The following PRKN variants were observed in gnomAD, a reference collection of about 807,000 sequenced individuals.
The protein encoded by PRKN is parkin RBR E3 ubiquitin protein ligase, also known as E3 ubiquitin-protein ligase parkin.
In PRKN, 56 loss-of-function variants were observed where a neutral mutation model predicts 59.5. That is an observed-to-expected ratio of 0.94 (90% CI 0.76 to 1.18). The LOEUF (loss-of-function observed/expected upper bound fraction) is 1.18, where lower values mean the gene tolerates loss of function less well. Among genes scored for constraint, PRKN ranks in the 50% most tolerant of loss-of-function variants. The pLI is 0.00. For synonymous variants in PRKN, 250 were observed against 222.1 expected, an observed-to-expected ratio of 1.13 and a Z score of -1.12; for missense variants, 657 against 596.4, an observed-to-expected ratio of 1.10 and a Z score of -1.06.
intron 4 of PRKN, among the ~76,000 whole-genome samples, chr6:162,184,962 A>G (rs1431130966): frequency 6.6e-6 from 1 of 152,030 alleles, no homozygotes; most frequent in Non-Finnish European, 1.5e-5. Flanking sequence ...TAATCTTAAA[A>G]TAAGGGTGGG....
chr6:162,707,433 C>T (rs1778376279), intron 1 of PRKN, among the ~76,000 whole-genome samples: 1 of 151,988 alleles, frequency 6.6e-6, no homozygotes, highest in Non-Finnish European at 1.5e-5. Context: ...TTTACCATGG[C>T]AGGAAAAAGG....
At chr6:162,061,674 C>A (rs370005870) in intron 4 of PRKN, among the ~76,000 whole-genome samples, 13 of 152,212 alleles carry the variant, frequency 8.5e-5, no homozygotes, top group East Asian at 7.7e-4. Flanking sequence ...GTTAGAGCAG[C>A]AGCATAATAA....
intron 2 of PRKN, among the ~76,000 whole-genome samples, chr6:162,312,492 G>A (rs1487668295): frequency 6.6e-6 from 1 of 152,092 alleles, no homozygotes; most frequent in Non-Finnish European, 1.5e-5. Context: ...AGTCACTGAC[G>A]AAGAGCCCTG....
At position 161,532,083 on chromosome 6, in the gene PRKN, T is replaced by C. The variant is rs1779233697; in HGVS notation, c.1083+16771A>G. Among the ~76,000 whole-genome samples the C allele has an allele frequency of 2.0e-5, 3 of 151,910 alleles. No homozygotes were observed. The South Asian group carries it at 6.2e-4, about 32-fold the overall frequency. ...AAAAACTAATTTCAATTTAAAATTTTCACTATGATTAGTTCTATTAAAAAT... is the reference window on the plus strand; with the variant it reads ...AAAAACTAATTTCAATTTAAAATTTCCACTATGATTAGTTCTATTAAAAAT... On this transcript the variant is annotated intron_variant, in intron 9 of 11. Transcript: ENST00000366898.
chr6:161,569,539 T>C (rs1392750852), intron 7 of PRKN, 123 bp from the exon 8 acceptor site: 1 of 825,174 alleles, frequency 1.2e-6, no homozygotes, highest in Admixed American at 2.0e-5. Context: ...GACGTGTACC[T>C]GAAAAACACA....
At chr6:161,902,554 T>C (rs200247400) in intron 6 of PRKN, among the ~76,000 whole-genome samples, 12,025 of 63,590 alleles carry the variant, frequency 0.19, 708 homozygotes, top group Middle Eastern at 0.38. Context: ...ATCTATTTAT[T>C]TATTTATTTA....
intron 2 of PRKN, among the ~76,000 whole-genome samples, chr6:162,343,942 T>C (rs981470351): frequency 7.2e-5 from 11 of 152,196 alleles, no homozygotes; most frequent in Non-Finnish European, 5.9e-5. Context: ...TTATTTAATA[T>C]ATTAGAAAAC....
At chr6:162,195,818 G>A (rs117321354) in intron 4 of PRKN, among the ~76,000 whole-genome samples, 3,290 of 152,272 alleles carry the variant, frequency 0.022, 58 homozygotes, top group Non-Finnish European at 0.034. Flanking sequence ...GTTACCTAGA[G>A]TTTGTCCTGG....
chr6:162,115,317 G>A (rs1780619009), intron 4 of PRKN, among the ~76,000 whole-genome samples: 1 of 150,902 alleles, frequency 6.6e-6, no homozygotes. Flanking sequence ...GACACAGGAA[G>A]GGGAACATCA....
chr6:161,530,162 G>T lies in PRKN; in HGVS notation c.1083+18692C>A, dbSNP rs1779151310. On this transcript the variant is annotated intron_variant, in intron 9 of 11. Coordinates refer to ENST00000366898, the MANE Select transcript of PRKN (RefSeq NM_004562.3). This position sits in a 1 kb window ranked among gnomAD's most constrained non-coding sequence, Gnocchi z 5.0. ...GACACTTCTCAAACTCTCCCTCACAGGTGTTCCTGGACAGCACAGGAAAGA... is the reference window on the plus strand; with the variant it reads ...GACACTTCTCAAACTCTCCCTCACATGTGTTCCTGGACAGCACAGGAAAGA... Among the ~76,000 whole-genome samples, 1 of 152,128 alleles carries T rather than the reference G, an allele frequency of 6.6e-6. No homozygotes were observed. Among genetic ancestry groups the T allele is most frequent in the Non-Finnish European group, 1.5e-5 (1 of 68,030 alleles).
rs1790091523 is a variant in PRKN, at chr6:161,459,013, C to T, written c.1084-72136G>A. Among the ~76,000 whole-genome samples, 1 of 152,004 alleles carries T rather than the reference C, an allele frequency of 6.6e-6. No individual in the cohort carries two copies. Among genetic ancestry groups the T allele is most frequent in the Non-Finnish European group, 1.5e-5 (1 of 68,006 alleles). ...ACAGGAATGAAAACCATGATAGTAT[C>T]CAGGAGGGATTTTAAGGCAAGGCTG... On this transcript the variant is annotated intron_variant, in intron 9 of 11. Coordinates refer to ENST00000366898, the MANE Select transcript of PRKN (RefSeq NM_004562.3). The surrounding 1 kb of genome is among the most constrained non-coding windows in gnomAD (Gnocchi z 4.8).
At chr6:161,482,136 A>G (rs538369270) in intron 9 of PRKN, among the ~76,000 whole-genome samples, 4 of 152,358 alleles carry the variant, frequency 2.6e-5, no homozygotes, top group South Asian at 4.1e-4. Flanking sequence ...AAATTTATCA[A>G]TTTTTGAAAA....
At chr6:162,700,118 A>G (rs1439457904) in intron 1 of PRKN, among the ~76,000 whole-genome samples, 1 of 152,128 alleles carries the variant, frequency 6.6e-6, no homozygotes, top group Admixed American at 6.6e-5. Flanking sequence ...TCCTTTCCCT[A>G]TGAAGAAGGG....
intron 7 of PRKN, among the ~76,000 whole-genome samples, chr6:161,752,360 C>G (rs558362517): frequency 3.9e-4 from 57 of 146,520 alleles, no homozygotes; most frequent in Non-Finnish European, 7.6e-4. Flanking sequence ...GAGCGAGACT[C>G]TGTCTCAAAC....
chr6:161,493,356 A>G (rs1459320828), intron 9 of PRKN, among the ~76,000 whole-genome samples: 1 of 152,246 alleles, frequency 6.6e-6, no homozygotes, highest in Non-Finnish European at 1.5e-5. Context: ...TTGACCCATG[A>G]GGACACTGGC....
Position 161,579,610 on chromosome 6 carries a change from T to A in PRKN, c.872-10194A>T, listed in dbSNP as rs183235063. Among the ~76,000 whole-genome samples, 5 of 152,236 alleles carry A rather than the reference T, an allele frequency of 3.3e-5. No individual in the cohort carries two copies. Among genetic ancestry groups the A allele is most frequent in the Admixed American group, 2.0e-4 (3 of 15,278 alleles). On this transcript the variant is annotated intron_variant, in intron 7 of 11. Coordinates refer to ENST00000366898, the MANE Select transcript of PRKN (RefSeq NM_004562.3). This position sits in a 1 kb window ranked among gnomAD's most constrained non-coding sequence, Gnocchi z 4.2. The stretch of plus-strand genomic sequence containing the variant: ...ATTAAGTTTGGGAAAATAAATCATA[T>A]CCAAAACCAGTATTAAATAAATATA...
chr6:161,403,563 T>G (rs2114985853), intron 9 of PRKN, among the ~76,000 whole-genome samples: 1 of 152,320 alleles, frequency 6.6e-6, no homozygotes, highest in East Asian at 1.9e-4. Flanking sequence ...GTGCAGGGCC[T>G]CAGGGCAGGA....
At chr6:162,063,403 A>AATC (rs1371845583) in intron 4 of PRKN, among the ~76,000 whole-genome samples, 1 of 152,188 alleles carries the variant, frequency 6.6e-6, no homozygotes, top group African/African-American at 2.4e-5. Flanking sequence ...TACAAGTTAA[A>AATC]ATCACAAGAT....
At chr6:161,874,256 T>A (rs546633211) in intron 6 of PRKN, among the ~76,000 whole-genome samples, 45 of 14,726 alleles carry the variant, frequency 3.1e-3, no homozygotes, top group Non-Finnish European at 6.6e-3. Context: ...TAATATATAT[T>A]ATATGTAAAA....
Sources: allele counts gnomAD v4.1 joint callset (sites outside exome capture counted in the v4.1 genomes callset), GRCh38; gene constraint gnomAD v4.1.1; non-coding constraint Gnocchi (gnomAD v3.1); transcripts MANE v1.5; gene names NCBI Gene and HGNC (gene_info 2026-07-23, HGNC 2026-07-21).